The following RBFOX1 variants were observed in gnomAD, a reference collection of about 807,000 sequenced individuals.
RBFOX1 encodes RNA binding protein fox-1 homolog 1.
In RBFOX1, 8 loss-of-function variants were observed where a neutral mutation model predicts 57.7. That is an observed-to-expected ratio of 0.14 (90% CI 0.08 to 0.25). The LOEUF (loss-of-function observed/expected upper bound fraction) is 0.25, where lower values mean the gene tolerates loss of function less well. RBFOX1 is among the 10% of genes least tolerant of loss of function. The probability of loss-of-function intolerance (pLI) is 1.00; values close to 1 mark genes in which losing one functional copy is unlikely to be tolerated. For missense variants in RBFOX1, 611 were observed against 548.5 expected (o/e 1.11, Z -1.14); for synonymous variants, 326 against 222.4 (o/e 1.47, Z -4.15).
chr16:5,513,402 A>G (rs1042461645), intron 2 of RBFOX1, among the ~76,000 whole-genome samples: 10 of 152,174 alleles, frequency 6.6e-5, no homozygotes, highest in Non-Finnish European at 1.2e-4. Flanking sequence ...AACTACCGAC[A>G]TGCCTATCGC....
chr16:5,269,192 C>T (rs1254207318), intron 1 of RBFOX1, among the ~76,000 whole-genome samples: 2 of 152,264 alleles, frequency 1.3e-5, no homozygotes, highest in Non-Finnish European at 2.9e-5. Flanking sequence ...GCTGGGATTA[C>T]AGGCATGAGC....
At chr16:5,425,296 T>G (rs965797793) in intron 1 of RBFOX1, among the ~76,000 whole-genome samples, 3 of 151,930 alleles carry the variant, frequency 2.0e-5, no homozygotes, top group Non-Finnish European at 2.9e-5. Context: ...AGTAGAGATG[T>G]GGCTTTACCA....
chr16:6,526,866 G>GA (rs1281133086), intron 2 of RBFOX1, among the ~76,000 whole-genome samples: 1 of 73,124 alleles, frequency 1.4e-5, no homozygotes, highest in Non-Finnish European at 3.0e-5. Context: ...AAAACAACCA[G>GA]AAAAACAGAA....
At chr16:7,581,312 A>G (rs1242485445) in intron 6 of RBFOX1, among the ~76,000 whole-genome samples, 1 of 152,222 alleles carries the variant, frequency 6.6e-6, no homozygotes, top group African/African-American at 2.4e-5. Flanking sequence ...TGAAAAGTGC[A>G]GAGCATTCAA....
intron 2 of RBFOX1, among the ~76,000 whole-genome samples, chr16:6,399,823 G>T (rs1287962830): frequency 6.6e-6 from 1 of 152,226 alleles, no homozygotes; most frequent in Non-Finnish European, 1.5e-5. Context: ...GGAGGCCTCA[G>T]GAAAGTTACA....
chr16:6,503,463 C>G (rs2095999059), intron 2 of RBFOX1, among the ~76,000 whole-genome samples: 1 of 152,278 alleles, frequency 6.6e-6, no homozygotes, highest in South Asian at 2.1e-4. Context: ...ACCATGTGGG[C>G]TGTGCTCAGC....
At chr16:6,830,747 T>G (rs2092648379) in intron 3 of RBFOX1, among the ~76,000 whole-genome samples, 1 of 152,192 alleles carries the variant, frequency 6.6e-6, no homozygotes, top group African/African-American at 2.4e-5. Flanking sequence ...CTCTTTGCAT[T>G]CTGGTAATTT....
chr16:5,734,929 G>T (rs529903242), intron 3 of RBFOX1, among the ~76,000 whole-genome samples: 2 of 152,120 alleles, frequency 1.3e-5, no homozygotes, highest in Admixed American at 6.5e-5. Context: ...CTAGCACAGG[G>T]TTTGGCATAT....
chr16:7,289,572 T>G (rs1272891704), intron 4 of RBFOX1, among the ~76,000 whole-genome samples: 1 of 152,104 alleles, frequency 6.6e-6, no homozygotes, highest in African/African-American at 2.4e-5. Flanking sequence ...TCATCATGAT[T>G]ATCAGTGCCA....
chr16:6,036,438 C>A (rs1256716443), intron 1 of RBFOX1, among the ~76,000 whole-genome samples: 2 of 151,762 alleles, frequency 1.3e-5, no homozygotes, highest in Admixed American at 1.3e-4. Flanking sequence ...GGTGGAAAAA[C>A]TCCCATGGAA....
chr16:6,871,570 AC>A (rs1161296525), intron 3 of RBFOX1, among the ~76,000 whole-genome samples: 1 of 151,882 alleles, frequency 6.6e-6, no homozygotes, highest in Non-Finnish European at 1.5e-5. Context: ...TTAATTACTG[AC>A]TGAAACTTTT....
chr16:5,751,535 G>T (rs1429259127), intron 3 of RBFOX1, among the ~76,000 whole-genome samples: 1 of 152,162 alleles, frequency 6.6e-6, no homozygotes, highest in African/African-American at 2.4e-5. Flanking sequence ...GTGGCTGCTG[G>T]ATGAAGGTGA....
At chr16:6,561,664 A>G (rs1325107920) in intron 2 of RBFOX1, among the ~76,000 whole-genome samples, 1 of 152,104 alleles carries the variant, frequency 6.6e-6, no homozygotes, top group East Asian at 1.9e-4. Context: ...CTTTTATTTT[A>G]TCTTTTTGTT....
chr16:6,071,879 C>A (rs1046114347), intron 1 of RBFOX1, among the ~76,000 whole-genome samples: 5 of 152,130 alleles, frequency 3.3e-5, no homozygotes, highest in Admixed American at 2.6e-4. Flanking sequence ...GAATAATGTC[C>A]TCCAGGTTCA....
At chr16:6,487,728 TATATATATATATATATATATATATATAA>T (rs2095534887) in intron 2 of RBFOX1, among the ~76,000 whole-genome samples, 1 of 31,334 alleles carries the variant, frequency 3.2e-5, no homozygotes, top group African/African-American at 8.0e-5. Context: ...TATATATATA[TATATATATATATATATATATATATATAA>T]AATATTATGC....
intron 1 of RBFOX1, among the ~76,000 whole-genome samples, chr16:5,269,978 G>T (rs1204400355): frequency 6.6e-6 from 1 of 152,064 alleles, no homozygotes; most frequent in African/African-American, 2.4e-5. Flanking sequence ...AACATGGCAA[G>T]ACCCTGTCTC....
intron 4 of RBFOX1, among the ~76,000 whole-genome samples, chr16:7,453,195 C>G (rs1019986947): frequency 1.3e-5 from 2 of 151,264 alleles, no homozygotes; most frequent in Admixed American, 6.6e-5. Flanking sequence ...AGGATGGCTT[C>G]CTGAAGGAAC....
In RBFOX1 at chr16:6,415,468, C is replaced by T. The variant is rs115624327; in HGVS notation, c.-64+98411C>T. 3.8e-3 allele frequency among the ~76,000 whole-genome samples: 568 copies of T among 151,182 alleles called. 5 individuals carry two copies. The highest frequency in any genetic ancestry group is 0.013 in the African/African-American group (517 of 41,198). ...CACAGCAGGGAGAGATTTGGGAGGT[C>T]GAGGAGGGCGGATCACGAGGTTAGG... On this transcript the variant is annotated intron_variant, in intron 2 of 15. Transcript: ENST00000550418.
chr16:7,497,762 A>G (rs1255833426), intron 4 of RBFOX1, among the ~76,000 whole-genome samples: 4 of 152,206 alleles, frequency 2.6e-5, no homozygotes, highest in Admixed American at 2.6e-4. Context: ...ATCAAATTCA[A>G]TGGATAACCT....
Sources: allele counts gnomAD v4.1 joint callset (sites outside exome capture counted in the v4.1 genomes callset), GRCh38; gene constraint gnomAD v4.1.1; transcripts MANE v1.5; gene names NCBI Gene and HGNC (gene_info 2026-07-23, HGNC 2026-07-21).